Variants in MFF observed in about 807,000 individuals in gnomAD.
The protein encoded by MFF is mitochondrial fission factor, also known as chromosome 2 open reading frame 33.
Under a neutral mutation model 36.9 loss-of-function variants are expected in MFF, and 12 were observed. That is an observed-to-expected ratio of 0.33 (90% confidence interval 0.21 to 0.53). The LOEUF is 0.53. Among genes scored for constraint, MFF ranks in the 20% least tolerant of loss-of-function variants. The pLI is 0.95. For synonymous variants in MFF, 99 were observed against 126.2 expected, an observed-to-expected ratio of 0.78 and a Z score of 1.44; for missense variants, 348 against 366.6, an observed-to-expected ratio of 0.95 and a Z score of 0.42.
At chr2:227,328,295 CAA>C (rs869086091) in intron 1 of MFF, among the ~76,000 whole-genome samples, 2,875 of 72,442 alleles carry the variant, frequency 0.04, 18 homozygotes, top group Non-Finnish European at 0.056. Flanking sequence ...GCCCGGGTGA[CAA>C]AAAAAAAAAA....
chr2:227,339,883 A>C (rs1474441398), intron 4 of MFF, among the ~76,000 whole-genome samples: 1 of 152,228 alleles, frequency 6.6e-6, no homozygotes, highest in African/African-American at 2.4e-5. Flanking sequence ...CAACCGTAGA[A>C]GCCAGGAAGG....
At position 227,330,598 on chromosome 2, in the gene MFF, G is replaced by T. The variant is rs776666503; in HGVS notation, c.-40-28G>T. On this transcript the variant is annotated intron_variant, in intron 2 of 8. Transcript: ENST00000304593. ...GAGGAGACTGACATTTTAACAGTCA[G>T]CCCTGTCTTTAAATTTTTCTCCCAC... The T allele has an allele frequency of 1.4e-5, 21 of 1,525,502 alleles. No individual in the cohort carries two copies. In the Middle Eastern group the frequency reaches 6.9e-4, roughly 50 times the overall value. The allele number at this position is 1,525,502 out of a possible 1,614,324, so 94.5% of individuals were successfully genotyped here. A position where few individuals can be genotyped will look rare whatever the true frequency, so the allele number is the denominator to read the frequency against.
intron 5 of MFF, among the ~76,000 whole-genome samples, chr2:227,344,437 G>T (rs933174448): frequency 6.6e-6 from 1 of 152,144 alleles, no homozygotes; most frequent in Non-Finnish European, 1.5e-5. Flanking sequence ...AGATGAAAGC[G>T]CTGTTTCCCT....
At chr2:227,329,603 C>T in intron 2 of MFF, 2 of 529,996 alleles carry the variant, frequency 3.8e-6, no homozygotes, top group Non-Finnish European at 6.6e-6. Flanking sequence ...TTCTTTTTTA[C>T]AGCTGGAAAA....
At chr2:227,340,264 T>A (rs769095222) in intron 4 of MFF, 28 bp from the exon 5 acceptor site, 5 of 1,581,534 alleles carry the variant, frequency 3.2e-6, no homozygotes, top group Non-Finnish European at 4.3e-6. Flanking sequence ...ATATTTCTAT[T>A]TCCTTCCCTC....
chr2:227,332,830 G>A (rs1432646009), intron 4 of MFF, among the ~76,000 whole-genome samples: 1 of 152,216 alleles, frequency 6.6e-6, no homozygotes, highest in African/African-American at 2.4e-5. Context: ...CCTGTGGTTT[G>A]AAGAAAGAGC....
At chr2:227,347,958 C>T (rs2075797840) in intron 6 of MFF, among the ~76,000 whole-genome samples, 1 of 152,062 alleles carries the variant, frequency 6.6e-6, no homozygotes, top group African/African-American at 2.4e-5. Context: ...CAGGTAAAAT[C>T]ATCAGTAGTA....
At chr2:227,344,335 A>G (rs1322974989) in intron 5 of MFF, among the ~76,000 whole-genome samples, 1 of 152,172 alleles carries the variant, frequency 6.6e-6, no homozygotes. Flanking sequence ...CCTTTGCAGT[A>G]TGTTTACTTT....
In MFF at chr2:227,334,017, T is replaced by G. The variant is rs147307971; in HGVS notation, c.351+1429T>G. On this transcript the variant is annotated intron_variant, in intron 4 of 8. Transcript: ENST00000304593. ...GATATTTAGTCAAATGTGATAGATGTTCAGAGTGTATAACACTGGGGTAAA... is the reference window on the plus strand; with the variant it reads ...GATATTTAGTCAAATGTGATAGATGGTCAGAGTGTATAACACTGGGGTAAA... Among the ~76,000 whole-genome samples the G allele has an allele frequency of 2.6e-4, 40 of 152,330 alleles. 1 individual carries two copies. The East Asian group carries it at 7.3e-3, about 28-fold the overall frequency.
Position 227,355,701 on chromosome 2 carries a change from A to G in MFF, c.684A>G (p.Thr228=), listed in dbSNP as rs140597740. 5.0e-5 allele frequency: 81 copies of G among 1,610,858 alleles called. No individual in the cohort carries two copies. In the African/African-American group the frequency reaches 8.5e-4, roughly 17 times the overall value. ...GGTATGGCATTTCAAATATAGATAC[A>G]ACCATTGAAGGAACGTCAGATGACC... ...NVRYGISNID[T]TIEGTSDDLT... The change falls in exon 8 of 9, where the codon ACA becomes ACG. Residue 228 remains threonine (T), a synonymous_variant. Transcript: ENST00000304593.
At chr2:227,352,137 T>C in intron 6 of MFF, 1 of 173,852 alleles carries the variant, frequency 5.8e-6, no homozygotes. Context: ...GGTCCTGATA[T>C]GCTTTTAAAG....
chr2:227,327,295 T>C (rs2074231469), intron 1 of MFF, among the ~76,000 whole-genome samples: 1 of 152,216 alleles, frequency 6.6e-6, no homozygotes, highest in African/African-American at 2.4e-5. Context: ...TCGTTTGTTA[T>C]GTAACAGAAT....
At chr2:227,333,831 C>T (rs1169792454) in intron 4 of MFF, among the ~76,000 whole-genome samples, 2 of 152,142 alleles carry the variant, frequency 1.3e-5, no homozygotes, top group African/African-American at 2.4e-5. Context: ...TTATTGTATT[C>T]TTCGGGTTTT....
Position 227,346,857 on chromosome 2 carries a change from G to A in MFF, c.441-369G>A, listed in dbSNP as rs78261032. On this transcript the variant is annotated intron_variant, in intron 5 of 8. Coordinates refer to ENST00000304593, the MANE Select transcript of MFF (RefSeq NM_001277062.2). ...CTACTCTTCTAATCATCCATAAGTC[G>A]ACAGCAGTGTTGTTTCTTAGAAGTT... 739 of 160,666 alleles carry A rather than the reference G, an allele frequency of 4.6e-3. 17 individuals are homozygous for A. In the East Asian group the frequency reaches 0.061, roughly 13 times the overall value. 10.0% of individuals were successfully genotyped at this position (160,666 alleles called of 1,614,324 possible).
intron 5 of MFF, chr2:227,346,708 C>A (rs962546142): frequency 2.0e-5 from 3 of 152,288 alleles, no homozygotes; most frequent in African/African-American, 7.2e-5. Flanking sequence ...AAATCAGTGT[C>A]ATTTATTCGT....
intron 5 of MFF, among the ~76,000 whole-genome samples, chr2:227,341,632 A>G (rs1200270193): frequency 6.6e-6 from 1 of 152,092 alleles, no homozygotes; most frequent in Admixed American, 6.5e-5. Flanking sequence ...TTTTTTCTAG[A>G]CTATTTCCAA....
At chr2:227,345,674 GT>G (rs1036762684) in intron 5 of MFF, among the ~76,000 whole-genome samples, 28 of 152,002 alleles carry the variant, frequency 1.8e-4, no homozygotes, top group Admixed American at 4.6e-4. Flanking sequence ...CAAATAGGAT[GT>G]TTTTTTTATT....
intron 5 of MFF, 36 bp from the exon 6 acceptor site, chr2:227,347,190 T>A: frequency 1.3e-6 from 2 of 1,587,332 alleles, no homozygotes; most frequent in Non-Finnish European, 1.7e-6. Flanking sequence ...CTGACTTGAG[T>A]GTTTTTCTCT....
chr2:227,336,130 A>G lies in MFF; in HGVS notation c.351+3542A>G, dbSNP rs369439009. ...CAGAGAACAAGAAAGAAGAACTGTA[A>G]AGAAAGAGTTGGAAAATGCTGCCTG... On this transcript the variant is annotated intron_variant, in intron 4 of 8. Coordinates refer to ENST00000304593, the MANE Select transcript of MFF (RefSeq NM_001277062.2). 1.6e-4 allele frequency among the ~76,000 whole-genome samples: 25 copies of G among 152,354 alleles called. No individual in the cohort carries two copies. In the South Asian group the frequency reaches 5.0e-3, roughly 30 times the overall value.
Sources: gnomAD v4.1 joint callset for allele counts (sites outside exome capture counted in the v4.1 genomes callset) on GRCh38, gnomAD v4.1.1 for gene constraint, MANE v1.5 for transcripts, NCBI Gene and HGNC (gene_info 2026-07-23, HGNC 2026-07-21) for gene names.